KCNMA1: variants seen among roughly 807,000 people sequenced by gnomAD.
KCNMA1 encodes the protein Calcium-activated potassium channel subunit alpha-1.
Under a neutral mutation model 140.0 loss-of-function variants are expected in KCNMA1, and 29 were observed. The observed-to-expected ratio is 0.21, with a 90% CI of 0.15 to 0.28. The LOEUF (loss-of-function observed/expected upper bound fraction) is 0.28. KCNMA1 is among the 10% of genes least tolerant of loss of function. KCNMA1 has a pLI of 1.00. For synonymous variants in KCNMA1, 612 were observed against 611.9 expected (o/e 1.00, Z 0.00); for missense variants, 880 against 1,602.2 (o/e 0.55, Z 7.70).
intron 1 of KCNMA1, chr10:77,498,869 G>A (rs1226822167): frequency 1.3e-5 from 2 of 152,050 alleles, no homozygotes; most frequent in Non-Finnish European, 1.5e-5. Context: ...TTATCATCAT[G>A]GCCAAGAGCA....
intron 2 of KCNMA1, among the ~76,000 whole-genome samples, chr10:77,260,993 C>T (rs551687884): frequency 2.0e-4 from 30 of 152,202 alleles, no homozygotes; most frequent in African/African-American, 5.8e-4. Context: ...CACACAAACA[C>T]GCTGCAAGGG....
At chr10:76,878,199 T>C (rs2032935397) in intron 29 of KCNMA1, among the ~76,000 whole-genome samples, 1 of 152,140 alleles carries the variant, frequency 6.6e-6, no homozygotes, top group Non-Finnish European at 1.5e-5. Flanking sequence ...GTTAATTTCA[T>C]GGCCAGAAAA....
At chr10:77,065,327 C>T (rs1400999808) in intron 14 of KCNMA1, among the ~76,000 whole-genome samples, 2 of 151,998 alleles carry the variant, frequency 1.3e-5, no homozygotes, top group African/African-American at 4.8e-5. Context: ...GGTGCAGATT[C>T]CTAAAATGCA....
intron 1 of KCNMA1, among the ~76,000 whole-genome samples, chr10:77,430,749 T>C (rs916333382): frequency 2.0e-5 from 3 of 152,214 alleles, no homozygotes; most frequent in Non-Finnish European, 4.4e-5. Flanking sequence ...TAATCTACTA[T>C]AAGTACAACT....
intron 1 of KCNMA1, among the ~76,000 whole-genome samples, chr10:77,625,191 A>G (rs1321341755): frequency 6.6e-6 from 1 of 152,106 alleles, no homozygotes; most frequent in Non-Finnish European, 1.5e-5. Flanking sequence ...CAGGAGATCC[A>G]GACCATGGTG....
chr10:77,570,334 A>ACC, intron 1 of KCNMA1, among the ~76,000 whole-genome samples: 1 of 144,034 alleles, frequency 6.9e-6, no homozygotes, highest in Non-Finnish European at 1.5e-5. Flanking sequence ...CTTGGAACCA[A>ACC]CCCAAATGTC....
intron 2 of KCNMA1, among the ~76,000 whole-genome samples, chr10:77,324,971 C>CTCTCTCTGTG (rs766240356): frequency 8.0e-4 from 72 of 90,434 alleles, no homozygotes; most frequent in South Asian, 1.9e-3. Flanking sequence ...CTCTCTCTCT[C>CTCTCTCTGTG]TGTGTGTGTG....
intron 15 of KCNMA1, among the ~76,000 whole-genome samples, chr10:77,035,818 T>A (rs1021649616): frequency 6.6e-6 from 1 of 152,142 alleles, no homozygotes; most frequent in Non-Finnish European, 1.5e-5. Flanking sequence ...GAAAAGACAT[T>A]AACCCGTACT....
intron 2 of KCNMA1, among the ~76,000 whole-genome samples, chr10:77,285,615 A>G (rs938752370): frequency 2.0e-5 from 3 of 152,114 alleles, no homozygotes; most frequent in African/African-American, 7.2e-5. Context: ...CATAAACTCA[A>G]TTTGCCCCAG....
chr10:77,184,090 A>AC (rs1565063139), intron 4 of KCNMA1, among the ~76,000 whole-genome samples: 43 of 151,836 alleles, frequency 2.8e-4, no homozygotes, highest in Non-Finnish European at 5.6e-4. Context: ...ACACACACAC[A>AC]AAATTCCATC....
chr10:77,291,958 G>A (rs1200891919), intron 2 of KCNMA1, among the ~76,000 whole-genome samples: 1 of 152,160 alleles, frequency 6.6e-6, no homozygotes, highest in Non-Finnish European at 1.5e-5. Context: ...TTGATGCCAG[G>A]AGTAAATTCA....
At chr10:77,205,783 C>T (rs1056026076) in intron 3 of KCNMA1, among the ~76,000 whole-genome samples, 7 of 152,208 alleles carry the variant, frequency 4.6e-5, no homozygotes, top group Non-Finnish European at 5.9e-5. Context: ...ATCACTCTCC[C>T]TAAATATAAA....
At chr10:76,955,690 A>G (rs2067984991) in intron 20 of KCNMA1, among the ~76,000 whole-genome samples, 8 of 152,224 alleles carry the variant, frequency 5.3e-5, no homozygotes, top group Admixed American at 4.6e-4. Flanking sequence ...AAAGGCTGAT[A>G]AGAACTATTT....
chr10:77,483,001 C>G (rs931701253), intron 1 of KCNMA1, among the ~76,000 whole-genome samples: 3 of 29,224 alleles, frequency 1.0e-4, no homozygotes, highest in African/African-American at 3.7e-4. Flanking sequence ...TACACACACA[C>G]ACACACACAC....
chr10:77,234,630 T>C (rs1436369554), intron 3 of KCNMA1, among the ~76,000 whole-genome samples: 3 of 152,226 alleles, frequency 2.0e-5, no homozygotes, highest in African/African-American at 7.2e-5. Context: ...CATCATTAGA[T>C]TTAATAAATG....
chr10:77,238,165 A>AGAC (rs1487030272), intron 3 of KCNMA1, among the ~76,000 whole-genome samples: 5 of 152,184 alleles, frequency 3.3e-5, no homozygotes, highest in Non-Finnish European at 7.3e-5. Context: ...ACTGGTCTGA[A>AGAC]GACTGATTGG....
chr10:77,451,301 A>G (rs989080294), intron 1 of KCNMA1, among the ~76,000 whole-genome samples: 2 of 152,158 alleles, frequency 1.3e-5, no homozygotes, highest in African/African-American at 4.8e-5. Flanking sequence ...TACACTAGAC[A>G]AAGGCCATCG....
At chr10:77,179,509 T>A (rs1356857546) in intron 5 of KCNMA1, among the ~76,000 whole-genome samples, 1 of 151,960 alleles carries the variant, frequency 6.6e-6, no homozygotes, top group Non-Finnish European at 1.5e-5. Context: ...TTAAATAAGA[T>A]CTCTTCCCTC....
intron 19 of KCNMA1, among the ~76,000 whole-genome samples, chr10:76,972,160 C>T (rs1005949469): frequency 6.6e-6 from 1 of 152,238 alleles, no homozygotes; most frequent in Non-Finnish European, 1.5e-5. Flanking sequence ...GCAAATAACA[C>T]GTGTGTGTTT....
Sources: allele counts gnomAD v4.1 joint callset (sites outside exome capture counted in the v4.1 genomes callset), GRCh38; gene constraint gnomAD v4.1.1; transcripts MANE v1.5; gene names NCBI Gene and HGNC (gene_info 2026-07-23, HGNC 2026-07-21).